The following INTS15 variants were observed in gnomAD, a reference collection of about 807,000 sequenced individuals.
The protein encoded by INTS15 is integrator complex subunit 15.
chr7:6,603,273 T>G, the INTS15 span, among the ~76,000 whole-genome samples: 2 of 150,634 alleles, frequency 1.3e-5, no homozygotes, highest in Non-Finnish European at 3.0e-5. Flanking sequence ...AAAGGCCAGA[T>G]GTGGTGGCTC....
chr7:6,602,288 AT>A, the INTS15 span: 1 of 613,988 alleles, frequency 1.6e-6, no homozygotes, highest in East Asian at 2.8e-5. Context: ...ACGCACGTGA[AT>A]GGAACTCAAG....
chr7:6,591,694 T>G, the INTS15 span: 1 of 1,614,200 alleles, frequency 6.2e-7, no homozygotes, highest in Non-Finnish European at 8.5e-7. Flanking sequence ...CATGTGCAAT[T>G]ATTTCCAGGA....
chr7:6,603,803 C>T, the INTS15 span, among the ~76,000 whole-genome samples: 2 of 151,984 alleles, frequency 1.3e-5, no homozygotes, highest in African/African-American at 2.4e-5. Context: ...CGCACCATTG[C>T]GTTCCAGCCT....
chr7:6,608,076 A>AACCCCCCCCCCCCCCCCCCC, the INTS15 span: 1 of 1,143,486 alleles, frequency 8.7e-7, no homozygotes, highest in Non-Finnish European at 1.2e-6. Context: ...GTCCCGGCCC[A>AACCCCCCCCCCCCCCCCCCC]CCCCGCCGCC....
chr7:6,596,050 C>T, the INTS15 span, among the ~76,000 whole-genome samples: 1 of 148,354 alleles, frequency 6.7e-6, no homozygotes, highest in Non-Finnish European at 1.5e-5. Context: ...TTTGAGCCTT[C>T]TTTTTTTTTT....
At chr7:6,601,229 C>T in the INTS15 span, among the ~76,000 whole-genome samples, 1 of 152,146 alleles carries the variant, frequency 6.6e-6, no homozygotes, top group Admixed American at 6.6e-5. Flanking sequence ...CCTCAGCCTC[C>T]CAAAAGTGCT....
the INTS15 span, chr7:6,600,067 G>A: frequency 1.2e-6 from 2 of 1,614,224 alleles, no homozygotes; most frequent in Non-Finnish European, 1.7e-6. Flanking sequence ...AGGTCACAAA[G>A]GACCCGGGCG....
At chr7:6,602,760 G>A in the INTS15 span, 1 of 471,038 alleles carries the variant, frequency 2.1e-6, no homozygotes, top group African/African-American at 2.0e-5. Flanking sequence ...CAGGTGAAAA[G>A]TGGGAACTGT....
the INTS15 span, among the ~76,000 whole-genome samples, chr7:6,606,493 G>T: frequency 1.3e-5 from 2 of 152,152 alleles, no homozygotes; most frequent in South Asian, 2.1e-4. Context: ...AGTAGAACCC[G>T]GCAGGCTGGC....
At chr7:6,596,924 G>A in the INTS15 span, among the ~76,000 whole-genome samples, 7 of 151,620 alleles carry the variant, frequency 4.6e-5, no homozygotes, top group East Asian at 1.2e-3. Flanking sequence ...GACTACAGGC[G>A]CCCGCTACCA....
At chr7:6,590,349 C>T in the INTS15 span, 1 of 1,604,866 alleles carries the variant, frequency 6.2e-7, no homozygotes. Context: ...AGGTGTTGTA[C>T]CACCTGGACA....
the INTS15 span, chr7:6,602,094 A>C: frequency 6.2e-7 from 1 of 1,612,514 alleles, no homozygotes; most frequent in Non-Finnish European, 8.5e-7. Context: ...TATCTCCTTA[A>C]TTGCAGATGA....
chr7:6,594,206 C>A, the INTS15 span, among the ~76,000 whole-genome samples: 3 of 149,702 alleles, frequency 2.0e-5, no homozygotes, highest in Admixed American at 2.0e-4. Flanking sequence ...CGAGTTTCAC[C>A]ATGCTGGCCA....
At chr7:6,594,160 C>T in the INTS15 span, among the ~76,000 whole-genome samples, 1 of 151,718 alleles carries the variant, frequency 6.6e-6, no homozygotes, top group African/African-American at 2.4e-5. Context: ...AGGCATGCCC[C>T]ACCATTCCCA....
At chr7:6,598,821 CTG>C in the INTS15 span, among the ~76,000 whole-genome samples, 94 of 134,704 alleles carry the variant, frequency 7.0e-4, 1 homozygote, top group Non-Finnish European at 2.3e-4. Context: ...GGATCTCACT[CTG>C]TTGCTCAGGC....
At chr7:6,598,764 TGTGTGTGTGTGTGTGTGTG>T in the INTS15 span, among the ~76,000 whole-genome samples, 1 of 111,020 alleles carries the variant, frequency 9.0e-6, no homozygotes, top group African/African-American at 4.7e-5. Context: ...TGTGTGTGTG[TGTGTGTGTGTGTGTGTGTG>T]TGTATTTTTT....
At chr7:6,590,194 G>T in the INTS15 span, 4 of 1,211,560 alleles carry the variant, frequency 3.3e-6, no homozygotes, top group Non-Finnish European at 4.3e-6. Flanking sequence ...GGCCCGGGTC[G>T]CGCCTCTTTG....
the INTS15 span, among the ~76,000 whole-genome samples, chr7:6,607,373 G>A: frequency 6.6e-6 from 1 of 151,162 alleles, no homozygotes; most frequent in Non-Finnish European, 1.5e-5. The surrounding 1 kb of genome is among the most constrained non-coding windows in gnomAD (Gnocchi z 6.0). Flanking sequence ...TCGGAGCCCC[G>A]GTGCTGGGTG....
At chr7:6,594,531 T>C in the INTS15 span, 43 of 1,614,042 alleles carry the variant, frequency 2.7e-5, no homozygotes, top group South Asian at 4.4e-5. Flanking sequence ...GAAGCAGATA[T>C]TCAGTGCCAG....
Sources: allele counts gnomAD v4.1 joint callset (sites outside exome capture counted in the v4.1 genomes callset), GRCh38; gene constraint gnomAD v4.1.1; non-coding constraint Gnocchi (gnomAD v3.1); transcripts MANE v1.5; gene names NCBI Gene and HGNC (gene_info 2026-07-23, HGNC 2026-07-21).